Variants in ESR1 observed in about 807,000 individuals in gnomAD.
ESR1 encodes estrogen receptor 1.
A neutral mutation model predicts 52.7 loss-of-function variants in ESR1; 12 were observed. The observed-to-expected ratio is 0.23, with a 90% CI of 0.15 to 0.37. The LOEUF is 0.37. Among genes scored for constraint, ESR1 ranks in the 10% least tolerant of loss-of-function variants. The probability of loss-of-function intolerance (pLI) is 1.00; values close to 1 mark genes in which losing one functional copy is unlikely to be tolerated. For synonymous variants in ESR1, 305 were observed against 316.8 expected (o/e 0.96, Z 0.39); for missense variants, 584 against 779.7 (o/e 0.75, Z 2.99).
intron 6 of ESR1, among the ~76,000 whole-genome samples, chr6:152,120,527 G>A (rs545994133): frequency 1.3e-5 from 2 of 152,170 alleles, no homozygotes; most frequent in African/African-American, 4.8e-5. Flanking sequence ...GCAAGAAGCC[G>A]AGTAGTAGAG....
At chr6:151,665,318 C>T (rs1306449597) in intron 1 of ESR1, among the ~76,000 whole-genome samples, 7 of 152,056 alleles carry the variant, frequency 4.6e-5, no homozygotes, top group Non-Finnish European at 7.3e-5. Context: ...TCATGCAGTC[C>T]GCAGATTTTT....
intron 1 of ESR1, among the ~76,000 whole-genome samples, chr6:151,823,415 A>G (rs1210492822): frequency 6.6e-6 from 1 of 152,340 alleles, no homozygotes; most frequent in East Asian, 1.9e-4. Context: ...CTAATTGTAA[A>G]GAAGGATAAT....
intron 4 of ESR1, among the ~76,000 whole-genome samples, chr6:151,962,655 T>C (rs1383570570): frequency 1.3e-5 from 2 of 152,192 alleles, no homozygotes; most frequent in Non-Finnish European, 2.9e-5. Flanking sequence ...CAGCCCCCTA[T>C]CTCGCCCAAG....
chr6:152,107,306 G>C (rs2051078860), downstream of ESR1, among the ~76,000 whole-genome samples: 1 of 151,702 alleles, frequency 6.6e-6, no homozygotes, highest in African/African-American at 2.4e-5. Flanking sequence ...TTTCCTCTCT[G>C]TTCTTCAAAT....
At chr6:151,657,625 T>G (rs1777499964) in intron 1 of ESR1, among the ~76,000 whole-genome samples, 1 of 152,220 alleles carries the variant, frequency 6.6e-6, no homozygotes, top group African/African-American at 2.4e-5. Flanking sequence ...ATGCTAATTT[T>G]CCAGTCCCTT....
At chr6:151,931,086 T>G (rs543175203) in intron 3 of ESR1, among the ~76,000 whole-genome samples, 1 of 152,208 alleles carries the variant, frequency 6.6e-6, no homozygotes, top group African/African-American at 2.4e-5. Context: ...TGTGGTTTGG[T>G]GTCTGTCATT....
chr6:151,718,565 T>C (rs954135122), intron 2 of ESR1, among the ~76,000 whole-genome samples: 4 of 152,242 alleles, frequency 2.6e-5, no homozygotes, highest in South Asian at 2.1e-4. Flanking sequence ...ACATCTGTCC[T>C]TGACAATGGG....
intron 3 of ESR1, among the ~76,000 whole-genome samples, chr6:151,932,304 GTT>G (rs1363428680): frequency 6.8e-6 from 1 of 146,976 alleles, no homozygotes; most frequent in Non-Finnish European, 1.5e-5. Context: ...GGGGTTGTTT[GTT>G]TTTTTCTTGT....
intron 2 of ESR1, among the ~76,000 whole-genome samples, chr6:151,731,446 G>A (rs1263655045): frequency 6.6e-6 from 1 of 152,070 alleles, no homozygotes; most frequent in African/African-American, 2.4e-5. Context: ...TGGCTGGCTG[G>A]GCACCTAGAG....
At chr6:151,975,130 T>A (rs146787882) in intron 4 of ESR1, among the ~76,000 whole-genome samples, 1 of 152,054 alleles carries the variant, frequency 6.6e-6, no homozygotes, top group African/African-American at 2.4e-5. Flanking sequence ...CTAGCACAGT[T>A]TTGAGGCACC....
chr6:151,838,542 G>A (rs936077358), intron 1 of ESR1, among the ~76,000 whole-genome samples: 5 of 152,186 alleles, frequency 3.3e-5, no homozygotes, highest in Admixed American at 2.0e-4. Context: ...TCTAGAGGAA[G>A]TTATGTTATC....
At chr6:151,722,735 ACT>A (rs1363677289) in intron 2 of ESR1, among the ~76,000 whole-genome samples, 1 of 152,210 alleles carries the variant, frequency 6.6e-6, no homozygotes, top group Non-Finnish European at 1.5e-5. Context: ...TTTTAAGCAA[ACT>A]AAATTTCATA....
upstream of ESR1, among the ~76,000 whole-genome samples, chr6:151,802,992 C>CA (rs34766229): frequency 0.02 from 2,449 of 120,658 alleles, 23 homozygotes; most frequent in African/African-American, 0.035. Context: ...AACTCTGTCT[C>CA]AAAAAAAAAA....
In ESR1 at chr6:152,093,500, A is replaced by C. The variant is rs561779064; in HGVS notation, c.1370-885A>C. Among the ~76,000 whole-genome samples, 3 of 152,176 alleles carry C rather than the reference A, an allele frequency of 2.0e-5. No individual in the cohort carries two copies. In the East Asian group the frequency reaches 5.8e-4, roughly 30 times the overall value. On this transcript the variant is annotated intron_variant, in intron 6 of 7. Transcript: ENST00000206249. ...CTCTCAGTTTAGCAATGCGAGAAGA[A>C]AAAACTTTTGTCTCACAACCTCATA...
exon 7 of ESR1, chr6:152,125,522 A>G (rs2053095402): frequency 2.3e-6 from 2 of 874,150 alleles, no homozygotes; most frequent in Admixed American, 3.2e-5. Flanking sequence ...TGTCTTAAGA[A>G]GGATAGGATA....
chr6:151,976,017 A>G (rs2039404470), intron 4 of ESR1, among the ~76,000 whole-genome samples: 2 of 152,148 alleles, frequency 1.3e-5, no homozygotes, highest in Admixed American at 1.3e-4. Context: ...TTGGCTTCAG[A>G]TATATAATAT....
intron 1 of ESR1, among the ~76,000 whole-genome samples, chr6:151,676,859 G>A (rs140385165): frequency 1.1e-4 from 16 of 152,236 alleles, no homozygotes; most frequent in African/African-American, 3.9e-4. Flanking sequence ...CAAAATCCTA[G>A]CAGAAGAAAA....
intron 1 of ESR1, among the ~76,000 whole-genome samples, chr6:151,682,270 G>A (rs1778490499): frequency 6.6e-6 from 1 of 152,164 alleles, no homozygotes; most frequent in Non-Finnish European, 1.5e-5. Flanking sequence ...GAATTGCACG[G>A]TAGAGGCTGA....
At chr6:152,105,030 G>C (rs563184967), downstream of ESR1, among the ~76,000 whole-genome samples, 3 of 152,234 alleles carry the variant, frequency 2.0e-5, no homozygotes, top group East Asian at 1.9e-4. Flanking sequence ...TGAACACTTG[G>C]GGGTGTCTGG....
Sources: gnomAD v4.1 joint callset for allele counts (sites outside exome capture counted in the v4.1 genomes callset) on GRCh38, gnomAD v4.1.1 for gene constraint, MANE v1.5 for transcripts, NCBI Gene and HGNC (gene_info 2026-07-23, HGNC 2026-07-21) for gene names.